Variants in TXNRD1 observed in about 807,000 individuals in gnomAD.
TXNRD1 encodes the protein thioredoxin reductase 1.
Under a neutral mutation model 80.3 loss-of-function variants are expected in TXNRD1, and 57 were observed. The ratio of observed to expected loss-of-function variants is 0.71; its 90% confidence interval spans 0.57 to 0.89. TXNRD1 has a LOEUF of 0.89. TXNRD1 is among the 40% of genes least tolerant of loss of function. The pLI is 0.00. For synonymous variants in TXNRD1, 291 were observed against 285.2 expected, an observed-to-expected ratio of 1.02 and a Z score of -0.20; for missense variants, 730 against 803.0, an observed-to-expected ratio of 0.91 and a Z score of 1.10.
intron 15 of TXNRD1, among the ~76,000 whole-genome samples, chr12:104,338,638 G>A (rs1389871435): frequency 1.3e-5 from 2 of 151,682 alleles, no homozygotes; most frequent in South Asian, 2.1e-4. Flanking sequence ...CGGAGGTTGC[G>A]GTGAGTGGAG....
At chr12:104,290,759 G>GTATATT (rs2034172982) in intron 4 of TXNRD1, among the ~76,000 whole-genome samples, 2 of 45,850 alleles carry the variant, frequency 4.4e-5, no homozygotes, top group Non-Finnish European at 9.1e-5. Flanking sequence ...ATATATATAT[G>GTATATT]TATATTTCTT....
intron 3 of TXNRD1, among the ~76,000 whole-genome samples, chr12:104,265,136 C>T (rs553808079): frequency 1.3e-5 from 2 of 151,948 alleles, no homozygotes; most frequent in Admixed American, 1.3e-4. Flanking sequence ...CCTGTAGTCC[C>T]AACTACTTGG....
chr12:104,257,790 C>T (rs776365331), intron 2 of TXNRD1, among the ~76,000 whole-genome samples: 9 of 152,064 alleles, frequency 5.9e-5, no homozygotes, highest in Non-Finnish European at 1.2e-4. Flanking sequence ...TCTTATGAAG[C>T]GATACAGATG....
In TXNRD1 at chr12:104,328,758, CAAAAAAAAAAA is replaced by C. The variant is rs33918583; in HGVS notation, c.1542+1098_1542+1108del. Among the ~76,000 whole-genome samples the C allele has an allele frequency of 5.7e-3, 531 of 92,800 alleles. 4 individuals are homozygous for C. Among genetic ancestry groups the C allele is most frequent in the Non-Finnish European group, 7.9e-3 (371 of 47,162 alleles). 60.9% of individuals were successfully genotyped at this position (92,800 alleles called of 152,430 possible). ...TGGGTGACAGAGTGAGACTCTGCCT[CAAAAAAAAAAA>C]AAAAAAAAAAGGAAAATATCTGTTT... is the stretch of plus-strand genomic sequence containing the variant. On this transcript the variant is annotated intron_variant, in intron 13 of 16. Transcript: ENST00000525566.
At chr12:104,266,872 G>C (rs1026603585) in intron 3 of TXNRD1, among the ~76,000 whole-genome samples, 3 of 152,162 alleles carry the variant, frequency 2.0e-5, no homozygotes, top group African/African-American at 7.2e-5. Flanking sequence ...TGAGGCAGGA[G>C]AATGGTGTGA....
intron 4 of TXNRD1, among the ~76,000 whole-genome samples, chr12:104,298,117 G>T (rs1317355756): frequency 7.9e-5 from 12 of 152,156 alleles, no homozygotes; most frequent in Admixed American, 5.9e-4. Context: ...CAATAATAAT[G>T]CCATCTTATT....
At chr12:104,315,727 T>C in intron 6 of TXNRD1, 50 bp from the exon 7 acceptor site, 1 of 1,570,638 alleles carries the variant, frequency 6.4e-7, no homozygotes, top group Non-Finnish European at 8.7e-7. Context: ...TTTGAATGTT[T>C]GTAAGGCTTG....
chr12:104,251,752 A>T (rs2033123215), intron 2 of TXNRD1, 74 bp downstream of exon 2: 1 of 1,535,272 alleles, frequency 6.5e-7, no homozygotes, highest in African/African-American at 1.4e-5. Context: ...AATGTAAACA[A>T]CTGGATTTTA....
chr12:104,292,223 C>T (rs569553067), intron 4 of TXNRD1, among the ~76,000 whole-genome samples: 1 of 152,274 alleles, frequency 6.6e-6, no homozygotes, highest in Non-Finnish European at 1.5e-5. Context: ...CTAGGTGACT[C>T]CCTTGATAAA....
At chr12:104,276,210 G>C (rs905895137) in intron 3 of TXNRD1, among the ~76,000 whole-genome samples, 2 of 152,208 alleles carry the variant, frequency 1.3e-5, no homozygotes, top group Non-Finnish European at 2.9e-5. Flanking sequence ...GGTCCCCTAA[G>C]ACCACTTGGA....
chr12:104,311,382 A>T lies in TXNRD1; in HGVS notation c.507A>T (p.Gly169=), dbSNP rs770483872. 2.5e-6 allele frequency: 4 copies of T among 1,613,404 alleles called. No homozygotes were observed. In the Admixed American group the frequency reaches 6.7e-5, roughly 27 times the overall value. Residue 169 remains glycine (G), a synonymous_variant, in exon 5 of 17, where the codon GGA becomes GGT. Coordinates refer to ENST00000525566, the MANE Select transcript of TXNRD1 (RefSeq NM_001093771.3). ...KSYDYDLIII[G]GGSGGLAAAK... ...ATGACTATGACCTTATCATCATTGG[A>T]GGTGGCTCAGGAGGTCTGGCAGCTG...
At chr12:104,283,731 G>A (rs537015873) in intron 3 of TXNRD1, among the ~76,000 whole-genome samples, 28 of 152,190 alleles carry the variant, frequency 1.8e-4, no homozygotes, top group African/African-American at 4.6e-4. Flanking sequence ...TTAGCCAGGC[G>A]TGGTGGCACA....
intron 9 of TXNRD1, 138 bp downstream of exon 9, chr12:104,319,723 G>A: frequency 1.5e-6 from 1 of 671,976 alleles, no homozygotes; most frequent in Non-Finnish European, 2.6e-6. Flanking sequence ...GGGGGCAGGG[G>A]TTTGGGAGAA....
intron 10 of TXNRD1, among the ~76,000 whole-genome samples, chr12:104,325,055 T>G (rs2035708598): frequency 6.6e-6 from 1 of 152,224 alleles, no homozygotes; most frequent in Non-Finnish European, 1.5e-5. Context: ...GGGATGGTAG[T>G]GTGCTTTCTG....
chr12:104,249,935 CAAAAAAAAA>C (rs59924751), intron 1 of TXNRD1, among the ~76,000 whole-genome samples: 3 of 102,544 alleles, frequency 2.9e-5, no homozygotes, highest in Non-Finnish European at 5.6e-5. Flanking sequence ...GACGCCGTCT[CAAAAAAAAA>C]AAAAAAAAAA....
chr12:104,329,378 C>T (rs2035873516), intron 13 of TXNRD1, among the ~76,000 whole-genome samples: 1 of 151,812 alleles, frequency 6.6e-6, no homozygotes, highest in African/African-American at 2.4e-5. Flanking sequence ...CAGCTGGGCA[C>T]AGTGGCTCAC....
At chr12:104,264,915 C>T (rs1393108903) in intron 3 of TXNRD1, among the ~76,000 whole-genome samples, 2 of 152,108 alleles carry the variant, frequency 1.3e-5, no homozygotes, top group Non-Finnish European at 2.9e-5. Context: ...TAATTAATAA[C>T]TTCATAAGCT....
At chr12:104,319,768 T>C (rs891761697) in intron 9 of TXNRD1, among the ~76,000 whole-genome samples, 183 bp downstream of exon 9, 1 of 152,228 alleles carries the variant, frequency 6.6e-6, no homozygotes, top group African/African-American at 2.4e-5. Flanking sequence ...AAGGAGAACA[T>C]TTTAAATATT....
At chr12:104,281,914 C>G (rs1220208475) in intron 3 of TXNRD1, among the ~76,000 whole-genome samples, 1 of 152,118 alleles carries the variant, frequency 6.6e-6, no homozygotes, top group East Asian at 1.9e-4. Context: ...CACTTTTTTT[C>G]TCACTCATTA....
Sources: gnomAD v4.1 joint callset for allele counts (sites outside exome capture counted in the v4.1 genomes callset) on GRCh38, gnomAD v4.1.1 for gene constraint, MANE v1.5 for transcripts, NCBI Gene and HGNC (gene_info 2026-07-23, HGNC 2026-07-21) for gene names.